CASZ1: variants seen among roughly 807,000 people sequenced by gnomAD.
The protein encoded by CASZ1 is zinc finger protein castor homolog 1.
Under a neutral mutation model 135.2 loss-of-function variants are expected in CASZ1, and 28 were observed. The ratio of observed to expected loss-of-function variants is 0.21; its 90% CI spans 0.15 to 0.28. The LOEUF is 0.28. CASZ1 is among the 10% of genes least tolerant of loss of function. The pLI, the probability that CASZ1 is intolerant of heterozygous loss-of-function variation, is 1.00. For synonymous variants in CASZ1, 1,068 were observed against 1,073.4 expected, an observed-to-expected ratio of 0.99 and a Z score of 0.10; for missense variants, 2,161 against 2,453.3, an observed-to-expected ratio of 0.88 and a Z score of 2.52.
At chr1:10,771,626 C>T (rs1192857565) in intron 1 of CASZ1, among the ~76,000 whole-genome samples, 1 of 151,882 alleles carries the variant, frequency 6.6e-6, no homozygotes, top group Admixed American at 6.6e-5. Context: ...AGCCAGTAAA[C>T]AAGTTTTTCT....
At chr1:10,663,733 G>A (rs919560050) in intron 5 of CASZ1, among the ~76,000 whole-genome samples, 5 of 152,244 alleles carry the variant, frequency 3.3e-5, no homozygotes, top group Admixed American at 1.3e-4. Flanking sequence ...CCAAGGCTCC[G>A]CTGTCTGTGT....
chr1:10,751,119 T>A (rs1640143336), intron 2 of CASZ1, among the ~76,000 whole-genome samples: 1 of 151,838 alleles, frequency 6.6e-6, no homozygotes, highest in African/African-American at 2.4e-5. Flanking sequence ...ACTCTTTGAG[T>A]CTGTAAACCT....
intron 9 of CASZ1, 111 bp from the exon 10 acceptor site, chr1:10,654,702 T>C: frequency 9.7e-7 from 1 of 1,035,380 alleles, no homozygotes; most frequent in South Asian, 1.5e-5. Flanking sequence ...AGGGAAGCTT[T>C]GGCACCTCTG....
chr1:10,742,682 G>A (rs1345269713), intron 2 of CASZ1, among the ~76,000 whole-genome samples: 2 of 152,124 alleles, frequency 1.3e-5, no homozygotes, highest in Non-Finnish European at 2.9e-5. Context: ...GAATGGGTTG[G>A]TGAGGAGTTA....
rs767398012 is a variant in CASZ1 at position 10,676,730 on chromosome 1, C to A, written c.17-11159G>T. ...CAGCCCCACAGTTTCCTGACGTGGACGCCTTTGCTGGTTCCTCCACGTCCC... is the reference window on the plus strand; with the variant it reads ...CAGCCCCACAGTTTCCTGACGTGGAAGCCTTTGCTGGTTCCTCCACGTCCC... On this transcript the variant is annotated intron_variant, in intron 4 of 20. Coordinates refer to ENST00000377022, the MANE Select transcript of CASZ1 (RefSeq NM_001079843.3). The surrounding 1 kb of genome is among the most constrained non-coding windows in gnomAD (Gnocchi z 4.5). 6.6e-6 allele frequency among the ~76,000 whole-genome samples: 1 copy of A among 152,224 alleles called. No individual in the cohort carries two copies. The highest frequency in any genetic ancestry group is 1.5e-5 in the Non-Finnish European group (1 of 68,034).
In CASZ1 at chr1:10,660,340, C is replaced by T. The variant is rs559122819; in HGVS notation, c.702G>A (p.Ala234=). 18 of 1,614,152 alleles carry T rather than the reference C, an allele frequency of 1.1e-5. No homozygotes were observed. Among genetic ancestry groups the T allele is most frequent in the African/African-American group, 2.7e-5 (2 of 75,052 alleles). The change falls in exon 6 of 21, where the codon GCG becomes GCA. Residue 234 remains alanine, a synonymous_variant. Transcript: ENST00000377022. Reference sequence around the variant, plus strand: ...TGTACTCCTCATACTTAGAGAACCGCGCCCGCTTGCTGAGGGTATCCTCGG... The same window carrying T: ...TGTACTCCTCATACTTAGAGAACCGTGCCCGCTTGCTGAGGGTATCCTCGG... ...PTSEDTLSKR[A]RFSKYEEYIR... is the part of the protein sequence containing the mutation.
Position 10,656,660 on chromosome 1 carries a change from C to G in CASZ1, c.1486G>C (p.Glu496Gln). 1.2e-6 allele frequency: 2 copies of G among 1,600,078 alleles called. No individual in the cohort carries two copies. The highest frequency in any genetic ancestry group is 1.3e-5 in the African/African-American group (1 of 74,950). The change falls in exon 8 of 21, where the codon GAG (glutamate) becomes CAG (glutamine). Residue 496 changes from glutamate (E) to glutamine (Q), a missense_variant. Transcript: ENST00000377022. Reference protein sequence around the residue: ...YREHYHCLDPECNYQRFTSKQ... With the variant: ...YREHYHCLDPQCNYQRFTSKQ... ...TGTGGCCGTACCTGGTAGTTACACTCAGGGTCAAGGCAGTGGTAGTGCTCG... is the reference window on the plus strand; with the variant it reads ...TGTGGCCGTACCTGGTAGTTACACTGAGGGTCAAGGCAGTGGTAGTGCTCG...
intron 2 of CASZ1, among the ~76,000 whole-genome samples, chr1:10,734,712 C>T (rs1329444416): frequency 6.6e-6 from 1 of 152,082 alleles, no homozygotes; most frequent in Non-Finnish European, 1.5e-5. Context: ...TCTATATAAA[C>T]AAGTTAGACA....
chr1:10,751,550 A>G (rs1640150696), intron 2 of CASZ1, among the ~76,000 whole-genome samples: 1 of 152,226 alleles, frequency 6.6e-6, no homozygotes, highest in Non-Finnish European at 1.5e-5. Context: ...TTTGGGCTTA[A>G]TGTTGTTAAT....
At chr1:10,648,356 T>G (rs1266383535) in intron 15 of CASZ1, 1 of 487,870 alleles carries the variant, frequency 2.0e-6, no homozygotes, top group African/African-American at 2.0e-5. Context: ...GGCTTGGGCC[T>G]AACCATGCCT....
chr1:10,754,343 T>C (rs1640205971), intron 2 of CASZ1, among the ~76,000 whole-genome samples: 1 of 152,216 alleles, frequency 6.6e-6, no homozygotes, highest in Non-Finnish European at 1.5e-5. Flanking sequence ...GGGCAGGACG[T>C]TGGCCTCTTC....
intron 2 of CASZ1, among the ~76,000 whole-genome samples, chr1:10,723,173 G>A (rs903244477): frequency 2.0e-5 from 3 of 152,306 alleles, no homozygotes; most frequent in South Asian, 2.1e-4. Flanking sequence ...GGAAGGCCCC[G>A]CCTGCCAGTG....
At chr1:10,789,740 A>G (rs1004156088) in intron 1 of CASZ1, among the ~76,000 whole-genome samples, 20 of 151,710 alleles carry the variant, frequency 1.3e-4, no homozygotes, top group Middle Eastern at 3.5e-3. Context: ...GTTGTCCTCA[A>G]TTATTCCAAG....
Position 10,694,698 on chromosome 1 carries a change from C to CG in CASZ1, c.-23-787_-23-786insC, listed in dbSNP as rs1274316098. Among the ~76,000 whole-genome samples, 7 of 142,540 alleles carry CG rather than the reference C, an allele frequency of 4.9e-5. No individual in the cohort carries two copies. The highest frequency in any genetic ancestry group is 9.2e-5 in the Non-Finnish European group (6 of 65,066). 93.5% of individuals were successfully genotyped at this position (142,540 alleles called of 152,430 possible). ...CGCTCGCTCGCGCCCCCGCCGCGCGCCCCCGCCGCGCGCGCCCGCGCCGCA... is the reference window on the plus strand; with the variant it reads ...CGCTCGCTCGCGCCCCCGCCGCGCGCGCCCCGCCGCGCGCGCCCGCGCCGCA... On this transcript the variant is annotated intron_variant, in intron 3 of 20. Transcript: ENST00000377022. This position sits in a 1 kb window ranked among gnomAD's most constrained non-coding sequence, Gnocchi z 6.6.
At chr1:10,689,318 T>C (rs181505344) in intron 4 of CASZ1, among the ~76,000 whole-genome samples, 5 of 152,356 alleles carry the variant, frequency 3.3e-5, no homozygotes, top group African/African-American at 4.8e-5. Flanking sequence ...GAGATGCCGC[T>C]GCGTGGCTTA....
intron 2 of CASZ1, among the ~76,000 whole-genome samples, chr1:10,708,038 C>T (rs969336167): frequency 1.3e-5 from 2 of 152,172 alleles, no homozygotes; most frequent in Admixed American, 6.5e-5. Context: ...CTCTGCCAGC[C>T]GTCTGTCCAT....
In CASZ1 at chr1:10,642,995, G is replaced by A; in HGVS notation, c.4026C>T (p.Pro1342=). The change falls in exon 20 of 21, where the codon CCC becomes CCT. Residue 1342 remains proline (P), a synonymous_variant. Coordinates refer to ENST00000377022, the MANE Select transcript of CASZ1 (RefSeq NM_001079843.3). ...CTGTCTCAGCATCCATCAGGCCTGG[G>A]GGGCCCTGAAAGGACACGGGGGTCC... The part of the protein sequence containing the change: ...NFDRVPPSQG[P]PGLMDAETDE... The A allele has an allele frequency of 6.2e-7, 1 of 1,612,564 alleles. No individual in the cohort carries two copies. The highest frequency in any genetic ancestry group is 8.5e-7 in the Non-Finnish European group (1 of 1,179,636).
chr1:10,667,917 G>C (rs1487663029), intron 4 of CASZ1, among the ~76,000 whole-genome samples: 1 of 150,008 alleles, frequency 6.7e-6, no homozygotes. Flanking sequence ...CCCACCAGCT[G>C]CGGTGCAGCT....
At chr1:10,695,566 CT>C (rs1407784423) in intron 3 of CASZ1, among the ~76,000 whole-genome samples, 19 of 78,662 alleles carry the variant, frequency 2.4e-4, no homozygotes, top group Admixed American at 3.0e-4. Context: ...CCGGCTCCTC[CT>C]CCCCTCCCCG....
Sources: gnomAD v4.1 joint callset for allele counts (sites outside exome capture counted in the v4.1 genomes callset) on GRCh38, gnomAD v4.1.1 for gene constraint, Gnocchi (gnomAD v3.1) non-coding constraint, MANE v1.5 for transcripts, NCBI Gene and HGNC (gene_info 2026-07-23, HGNC 2026-07-21) for gene names.